The following CLEC11A variants were observed in gnomAD, a reference collection of about 807,000 sequenced individuals.
CLEC11A encodes C-type lectin domain family 11 member A.
Under a neutral mutation model 33.9 loss-of-function variants are expected in CLEC11A, and 35 were observed. The ratio of observed to expected loss-of-function variants is 1.03; its 90% CI spans 0.79 to 1.37. The LOEUF is 1.37. CLEC11A is among the 40% of genes most tolerant of loss of function. The pLI is 0.00. For synonymous variants in CLEC11A, 220 were observed against 202.2 expected (o/e 1.09, Z -0.75); for missense variants, 519 against 455.5 (o/e 1.14, Z -1.27).
At position 50,725,514 on chromosome 19, in the gene CLEC11A, C is replaced by T. The variant is rs1468028989; in HGVS notation, c.*47C>T. The T allele has an allele frequency of 3.3e-6, 5 of 1,498,010 alleles. No individual in the cohort carries two copies. In the Admixed American group the frequency reaches 1.1e-4, roughly 34 times the overall value. 92.8% of individuals were successfully genotyped at this position (1,498,010 alleles called of 1,614,324 possible). A position where few individuals can be genotyped will look rare whatever the true frequency, so the allele number is the denominator to read the frequency against. ...CTGCCCATCCCACCACCCGGCCTTT[C>T]CCTGCGCCGTGCCCACCCTCCTCCG... On this transcript the variant is annotated 3_prime_UTR_variant, in exon 4 of 4. Coordinates refer to ENST00000250340, the MANE Select transcript of CLEC11A (RefSeq NM_002975.3).
rs1444330483 is a variant in CLEC11A at position 50,724,795 on chromosome 19, T to C, written c.526+194T>C. 6.6e-6 allele frequency among the ~76,000 whole-genome samples: 1 copy of C among 151,910 alleles called. No homozygotes were observed. Among genetic ancestry groups the C allele is most frequent in the African/African-American group, 2.4e-5 (1 of 41,354 alleles). On this transcript the variant is annotated intron_variant, in intron 3 of 3. Transcript: ENST00000250340. The surrounding 1 kb of genome is among the most constrained non-coding windows in gnomAD (Gnocchi z 4.1). ...CACTCCAGACCCGCGCGGACCCGACTGGGGCAGCACCACGCCCCCTACAGT... is the reference window on the plus strand; with the variant it reads ...CACTCCAGACCCGCGCGGACCCGACCGGGGCAGCACCACGCCCCCTACAGT...
rs2089176181 is a variant in CLEC11A, at chr19:50,725,167, T to G, written c.672T>G (p.Thr224=). The G allele has an allele frequency of 6.4e-7, 1 of 1,574,022 alleles. No homozygotes were observed. Among genetic ancestry groups the G allele is most frequent in the Admixed American group, 1.8e-5 (1 of 54,110 alleles). ...PADRQQMEAL[T]RYLRAALAPY... ...ACCGCCAGCAGATGGAGGCGCTCAC[T>G]CGGTACCTGCGCGCGGCGCTCGCTC... Residue 224 remains threonine, a synonymous_variant, in exon 4 of 4, where the codon ACT becomes ACG. Coordinates refer to ENST00000250340, the MANE Select transcript of CLEC11A (RefSeq NM_002975.3).
chr19:50,725,171 T>C lies in CLEC11A; in HGVS notation c.676T>C (p.Tyr226His). Residue 226 changes from tyrosine to histidine, a missense_variant, in exon 4 of 4, where the codon TAC (tyrosine) becomes CAC (histidine). By Grantham distance (83) the Tyr-to-His change is moderately conservative (BLOSUM62 2). Transcript: ENST00000250340. ...CCAGCAGATGGAGGCGCTCACTCGG[T>C]ACCTGCGCGCGGCGCTCGCTCCCTA... ...DRQQMEALTR[Y>H]LRAALAPYNW... 6.3e-7 allele frequency: 1 copy of C among 1,575,758 alleles called. No homozygotes were observed. Among genetic ancestry groups the C allele is most frequent in the South Asian group, 1.2e-5 (1 of 86,616 alleles).
In CLEC11A at chr19:50,723,938, A is replaced by AG. The variant is rs768355917; in HGVS notation, c.187dup (p.Asp63GlyfsTer2). 9.3e-6 allele frequency: 15 copies of AG among 1,612,838 alleles called. No homozygotes were observed. The Admixed American group carries it at 1.8e-4, about 20-fold the overall frequency. ...GGAAGCCCTAGGACTGCCTGCTGGG[A>AG]GGGGGGATGAGAATCCTGCCGGAAC... On this transcript the variant is annotated frameshift_variant, in exon 2 of 4. Transcript: ENST00000250340. LOFTEE classifies it high-confidence loss of function. This position sits in a 1 kb window ranked among gnomAD's most constrained non-coding sequence, Gnocchi z 4.1.
In CLEC11A at chr19:50,725,166, C is replaced by T. The variant is rs534274262; in HGVS notation, c.671C>T (p.Thr224Ile). Residue 224 changes from threonine (T) to isoleucine (I), a missense_variant, in exon 4 of 4, where the codon ACT becomes ATT. By Grantham distance (89) the Thr-to-Ile change is moderately conservative. Transcript: ENST00000250340. ...GACCGCCAGCAGATGGAGGCGCTCA[C>T]TCGGTACCTGCGCGCGGCGCTCGCT... ...PADRQQMEAL[T>I]RYLRAALAPY... 4 of 1,573,618 alleles carry T rather than the reference C, an allele frequency of 2.5e-6. No individual in the cohort carries two copies. In the African/African-American group the frequency reaches 5.4e-5, roughly 21 times the overall value.
In CLEC11A at chr19:50,724,910, C is replaced by A; in HGVS notation, c.527-112C>A. On this transcript the variant is annotated intron_variant, in intron 3 of 3. Coordinates refer to ENST00000250340, the MANE Select transcript of CLEC11A (RefSeq NM_002975.3). This position sits in a 1 kb window ranked among gnomAD's most constrained non-coding sequence, Gnocchi z 4.1. ...TCTGACCACGCCTCCTCCCAGCCCT[C>A]CCCATGAGTTCCTGGCCCCGCCTCC... The A allele has an allele frequency of 7.1e-7, 1 of 1,414,260 alleles. No individual in the cohort carries two copies. The allele number at this position is 1,414,260 out of a possible 1,614,324, so 87.6% of individuals were successfully genotyped here. A position where few individuals can be genotyped will look rare whatever the true frequency, so the allele number is the denominator to read the frequency against.
Position 50,724,360 on chromosome 19 carries a change from C to T in CLEC11A, c.335-50C>T, listed in dbSNP as rs768867227. The T allele has an allele frequency of 4.2e-6, 6 of 1,441,148 alleles. No individual in the cohort carries two copies. In the Admixed American group the frequency reaches 1.6e-4, roughly 39 times the overall value. The allele number at this position is 1,441,148 out of a possible 1,614,324, so 89.3% of individuals were successfully genotyped here. ...CCAGTTCTCCAGGTCCTCAGGCCCC[C>T]CGCTGCATCTCCAGGCTCCCCCTCC... On this transcript the variant is annotated intron_variant, in intron 2 of 3. Transcript: ENST00000250340. This position sits in a 1 kb window ranked among gnomAD's most constrained non-coding sequence, Gnocchi z 4.1.
At position 50,723,532 on chromosome 19, in the gene CLEC11A, G is replaced by A. The variant is rs763288618; in HGVS notation, c.7G>A (p.Ala3Thr). The change falls in exon 1 of 4, where the codon GCA (alanine) becomes ACA (threonine). Residue 3 changes from alanine (A) to threonine (T), a missense_variant. Physicochemically the swap from Ala to Thr is moderately conservative, Grantham distance 58. Coordinates refer to ENST00000250340, the MANE Select transcript of CLEC11A (RefSeq NM_002975.3). The surrounding 1 kb of genome is among the most constrained non-coding windows in gnomAD (Gnocchi z 4.1). MQ[A>T]AWLLGALVVP... The stretch of plus-strand genomic sequence containing the variant: ...GTGCCAAGAGTCCAGCTTAATGCAG[G>A]CAGCCTGGCTTTTGGGGGCTTTGGT... The A allele has an allele frequency of 3.7e-6, 6 of 1,612,322 alleles. No homozygotes were observed. The highest frequency in any genetic ancestry group is 2.2e-5 in the East Asian group (1 of 44,870).
chr19:50,724,328 C>G lies in CLEC11A; in HGVS notation c.335-82C>G. 1 of 1,328,488 alleles carries G rather than the reference C, an allele frequency of 7.5e-7. No individual in the cohort carries two copies. The highest frequency in any genetic ancestry group is 1.0e-6 in the Non-Finnish European group (1 of 1,003,478). The allele number at this position is 1,328,488 out of a possible 1,614,324, so 82.3% of individuals were successfully genotyped here. ...CACCGCCACCCCGCCCTCAGGAGCC[C>G]TAGATCCCAGTTCTCCAGGTCCTCA... On this transcript the variant is annotated intron_variant, in intron 2 of 3. Coordinates refer to ENST00000250340, the MANE Select transcript of CLEC11A (RefSeq NM_002975.3). The surrounding 1 kb of genome is among the most constrained non-coding windows in gnomAD (Gnocchi z 4.1).
chr19:50,724,355 G>C lies in CLEC11A; in HGVS notation c.335-55G>C. 2 of 1,420,442 alleles carry C rather than the reference G, an allele frequency of 1.4e-6. No individual in the cohort carries two copies. The highest frequency in any genetic ancestry group is 1.8e-6 in the Non-Finnish European group (2 of 1,084,044). 88.0% of individuals were successfully genotyped at this position (1,420,442 alleles called of 1,614,324 possible). On this transcript the variant is annotated intron_variant, in intron 2 of 3. Transcript: ENST00000250340. This position sits in a 1 kb window ranked among gnomAD's most constrained non-coding sequence, Gnocchi z 4.1. ...AGATCCCAGTTCTCCAGGTCCTCAG[G>C]CCCCCCGCTGCATCTCCAGGCTCCC...
Position 50,723,364 on chromosome 19 carries a change from A to C in CLEC11A, c.-162A>C. Reference sequence around the variant, plus strand: ...AGCAGAGGAGACCAACGGACCGGACAGAGACGAGGAGAGGAACAGGAAGAG... The same window carrying C: ...AGCAGAGGAGACCAACGGACCGGACCGAGACGAGGAGAGGAACAGGAAGAG... On this transcript the variant is annotated 5_prime_UTR_variant, in exon 1 of 4. Coordinates refer to ENST00000250340, the MANE Select transcript of CLEC11A (RefSeq NM_002975.3). This position sits in a 1 kb window ranked among gnomAD's most constrained non-coding sequence, Gnocchi z 4.1. 1 of 711,006 alleles carries C rather than the reference A, an allele frequency of 1.4e-6. No individual in the cohort carries two copies. The highest frequency in any genetic ancestry group is 2.4e-6 in the Non-Finnish European group (1 of 413,876). 44.0% of individuals were successfully genotyped at this position (711,006 alleles called of 1,614,324 possible). A position where few individuals can be genotyped will look rare whatever the true frequency, so the allele number is the denominator to read the frequency against.
At position 50,724,982 on chromosome 19, in the gene CLEC11A, G is replaced by A. The variant is rs2089173270; in HGVS notation, c.527-40G>A. 2 of 1,435,508 alleles carry A rather than the reference G, an allele frequency of 1.4e-6. No individual in the cohort carries two copies. The highest frequency in any genetic ancestry group is 1.5e-5 in the South Asian group (1 of 66,168). 88.9% of individuals were successfully genotyped at this position (1,435,508 alleles called of 1,614,324 possible). Reference sequence around the variant, plus strand: ...CCTCGCCCCCTTCCAGACTCTGAATGCATGACCCCGCCTCCTTCTCTACCC... The same window carrying A: ...CCTCGCCCCCTTCCAGACTCTGAATACATGACCCCGCCTCCTTCTCTACCC... On this transcript the variant is annotated intron_variant, in intron 3 of 3. Coordinates refer to ENST00000250340, the MANE Select transcript of CLEC11A (RefSeq NM_002975.3). This position sits in a 1 kb window ranked among gnomAD's most constrained non-coding sequence, Gnocchi z 4.1.
Position 50,724,580 on chromosome 19 carries a change from C to G in CLEC11A, c.505C>G (p.Arg169Gly), listed in dbSNP as rs1472655168. The G allele has an allele frequency of 7.0e-7, 1 of 1,432,114 alleles. No individual in the cohort carries two copies. The highest frequency in any genetic ancestry group is 9.1e-7 in the Non-Finnish European group (1 of 1,097,720). The allele number at this position is 1,432,114 out of a possible 1,614,324, so 88.7% of individuals were successfully genotyped here. Residue 169 changes from arginine to glycine, a missense_variant, in exon 3 of 4, where the codon CGC becomes GGC. Coordinates refer to ENST00000250340, the MANE Select transcript of CLEC11A (RefSeq NM_002975.3). This position sits in a 1 kb window ranked among gnomAD's most constrained non-coding sequence, Gnocchi z 4.1. ...GCAGGAGGCGCAGGGTCGCGCCGAG[C>G]GCGAGCACGGCCGCTTGGAGGGTGA... ...ALQEAQGRAEREHGRLEGCLK... is the reference protein window; with the variant it reads ...ALQEAQGRAEGEHGRLEGCLK...
chr19:50,724,610 G>A lies in CLEC11A; in HGVS notation c.526+9G>A. ...GCACGGCCGCTTGGAGGGTGAGTCC[G>A]CGGCGCGCGGGGTGGAAAAAAATGA... On this transcript the variant is annotated intron_variant, in intron 3 of 3. Transcript: ENST00000250340. This position sits in a 1 kb window ranked among gnomAD's most constrained non-coding sequence, Gnocchi z 4.1. 2.9e-6 allele frequency: 4 copies of A among 1,395,148 alleles called. No homozygotes were observed. The highest frequency in any genetic ancestry group is 2.8e-6 in the Non-Finnish European group (3 of 1,078,864). 86.4% of individuals were successfully genotyped at this position (1,395,148 alleles called of 1,614,324 possible).
Position 50,724,486 on chromosome 19 carries a change from C to T in CLEC11A, c.411C>T (p.Val137=). ...TGCACGCGTTGGACACCCGCGTGGT[C>T]GAGCTGACCCAGGGGCTGCGGCAGC... is the stretch of plus-strand genomic sequence containing the variant. ...VRLHALDTRV[V]ELTQGLRQLR... The change falls in exon 3 of 4, where the codon GTC becomes GTT. Residue 137 remains valine (V), a synonymous_variant. Coordinates refer to ENST00000250340, the MANE Select transcript of CLEC11A (RefSeq NM_002975.3). The surrounding 1 kb of genome is among the most constrained non-coding windows in gnomAD (Gnocchi z 4.1). The T allele has an allele frequency of 1.9e-6, 3 of 1,577,438 alleles. No individual in the cohort carries two copies. The highest frequency in any genetic ancestry group is 2.6e-6 in the Non-Finnish European group (3 of 1,169,462).
At position 50,723,621 on chromosome 19, in the gene CLEC11A, C is replaced by T; in HGVS notation, c.96C>T (p.Gly32=). The T allele has an allele frequency of 6.2e-7, 1 of 1,607,456 alleles. No homozygotes were observed. The highest frequency in any genetic ancestry group is 8.5e-7 in the Non-Finnish European group (1 of 1,177,744). Residue 32 remains glycine, a synonymous_variant, in exon 1 of 4, where the codon GGC becomes GGT. Coordinates refer to ENST00000250340, the MANE Select transcript of CLEC11A (RefSeq NM_002975.3). This position sits in a 1 kb window ranked among gnomAD's most constrained non-coding sequence, Gnocchi z 4.1. ...ARGAEREWEG[G]WGGAQEEERE... ...GAGCAGAGAGGGAGTGGGAGGGAGG[C>T]TGGGGAGGTGCCCAGGAGGAGGAGC...
chr19:50,724,596 T>A lies in CLEC11A; in HGVS notation c.521T>A (p.Leu174Ter). The A allele has an allele frequency of 7.1e-7, 1 of 1,410,258 alleles. No individual in the cohort carries two copies. Among genetic ancestry groups the A allele is most frequent in the African/African-American group, 1.5e-5 (1 of 66,410 alleles). The allele number at this position is 1,410,258 out of a possible 1,614,324, so 87.4% of individuals were successfully genotyped here. Residue 174 changes from leucine to a stop codon, truncating the protein, a stop_gained, in exon 3 of 4, where the codon TTG (leucine) becomes TAG (stop). Transcript: ENST00000250340. LOFTEE classifies it high-confidence loss of function. The surrounding 1 kb of genome is among the most constrained non-coding windows in gnomAD (Gnocchi z 4.1). ...CGCGCCGAGCGCGAGCACGGCCGCT[T>A]GGAGGGTGAGTCCGCGGCGCGCGGG... ...QGRAEREHGR[L>*]EGCLKGLRLG...
chr19:50,724,445 C>T lies in CLEC11A; in HGVS notation c.370C>T (p.Gln124Ter), dbSNP rs2123224964. Residue 124 changes from glutamine to a stop codon, truncating the protein, a stop_gained, in exon 3 of 4, where the codon CAG becomes TAG. Transcript: ENST00000250340. LOFTEE classifies it high-confidence loss of function. The surrounding 1 kb of genome is among the most constrained non-coding windows in gnomAD (Gnocchi z 4.1). ...GGCCGGCCTGGACGCAGGCCTGCACCAGCTGCACGTCCGTCTGCACGCGTT... is the reference window on the plus strand; with the variant it reads ...GGCCGGCCTGGACGCAGGCCTGCACTAGCTGCACGTCCGTCTGCACGCGTT... Reference protein sequence around the residue: ...RLAGLDAGLHQLHVRLHALDT... With the variant: ...RLAGLDAGLH 1.3e-6 allele frequency: 2 copies of T among 1,556,342 alleles called. No individual in the cohort carries two copies. Among genetic ancestry groups the T allele is most frequent in the Non-Finnish European group, 1.7e-6 (2 of 1,156,966 alleles).
chr19:50,724,197 C>T lies in CLEC11A; in HGVS notation c.334+106C>T. The T allele has an allele frequency of 1.9e-6, 3 of 1,556,600 alleles. No individual in the cohort carries two copies. The highest frequency in any genetic ancestry group is 2.6e-6 in the Non-Finnish European group (3 of 1,146,080). On this transcript the variant is annotated intron_variant, in intron 2 of 3. Coordinates refer to ENST00000250340, the MANE Select transcript of CLEC11A (RefSeq NM_002975.3). The surrounding 1 kb of genome is among the most constrained non-coding windows in gnomAD (Gnocchi z 4.1). ...CAAGTGGCCTTTCAGTTGTCCATTG[C>T]CCAGCCCAGAGCCCCCACACCCCTA...
Sources: allele counts gnomAD v4.1 joint callset (sites outside exome capture counted in the v4.1 genomes callset), GRCh38; gene constraint gnomAD v4.1.1; non-coding constraint Gnocchi (gnomAD v3.1); transcripts MANE v1.5; gene names NCBI Gene and HGNC (gene_info 2026-07-23, HGNC 2026-07-21).